Variants in ZFHX3 observed in about 807,000 individuals in gnomAD.
ZFHX3 encodes the protein zinc finger homeobox protein 3.
ZFHX3 carries 42 observed loss-of-function variants against 279.1 expected under a neutral mutation model. The ratio of observed to expected loss-of-function variants is 0.15; its 90% confidence interval spans 0.12 to 0.19. ZFHX3 has a LOEUF of 0.19. ZFHX3 is among the 10% of genes least tolerant of loss of function. The pLI, the probability that ZFHX3 is intolerant of heterozygous loss-of-function variation, is 1.00. For synonymous variants in ZFHX3, 2,293 were observed against 1,957.8 expected (o/e 1.17, Z -4.52); for missense variants, 4,981 against 4,754.0 (o/e 1.05, Z -1.40).
chr16:72,952,509 G>A (rs1961045464), intron 2 of ZFHX3, among the ~76,000 whole-genome samples: 1 of 152,138 alleles, frequency 6.6e-6, no homozygotes, highest in South Asian at 2.1e-4. Context: ...CTAGGACAGG[G>A]GTCCAGTCTT....
intron 3 of ZFHX3, among the ~76,000 whole-genome samples, chr16:73,345,039 A>G (rs1008695882): frequency 6.6e-6 from 1 of 152,076 alleles, no homozygotes; most frequent in South Asian, 2.1e-4. Flanking sequence ...CTGTTCATGG[A>G]ACTTCTCAGC....
intron 4 of ZFHX3, among the ~76,000 whole-genome samples, chr16:73,304,065 T>C (rs2015123004): frequency 6.6e-6 from 1 of 151,614 alleles, no homozygotes. Context: ...TGCATAGATG[T>C]CACTGATTCT....
chr16:72,823,450 T>G lies in ZFHX3; in HGVS notation c.3529+6329A>C, dbSNP rs755268091. Among the ~76,000 whole-genome samples the G allele has an allele frequency of 8.5e-5, 13 of 152,198 alleles. No homozygotes were observed. The East Asian group carries it at 2.5e-3, about 29-fold the overall frequency. The stretch of plus-strand genomic sequence containing the variant: ...GGCACCCATGTGAGTCTCCAAGGAC[T>G]CCTCTGTTGATGTCCTCATCACACT... On this transcript the variant is annotated intron_variant, in intron 5 of 9. Coordinates refer to ENST00000268489, the MANE Select transcript of ZFHX3 (RefSeq NM_006885.4).
At chr16:73,546,674 C>CTGCTGT (rs1567515658) in intron 2 of ZFHX3, among the ~76,000 whole-genome samples, 1 of 3,598 alleles carries the variant, frequency 2.8e-4, no homozygotes, top group Non-Finnish European at 4.3e-4. Flanking sequence ...GCTGCTGTTG[C>CTGCTGT]TGCTGCTGCT....
intron 4 of ZFHX3, among the ~76,000 whole-genome samples, chr16:72,856,676 G>A (rs779763759): frequency 2.0e-5 from 3 of 152,156 alleles, no homozygotes; most frequent in Non-Finnish European, 4.4e-5. Flanking sequence ...ACTCCTCTGT[G>A]GCTCCCAGCA....
intron 2 of ZFHX3, chr16:73,483,394 G>C: frequency 2.2e-6 from 1 of 455,408 alleles, no homozygotes; most frequent in South Asian, 1.5e-5. Flanking sequence ...CGGGAGCCAG[G>C]GTAGGGACCA....
At chr16:73,072,242 C>T (rs1965833800) in intron 8 of ZFHX3, among the ~76,000 whole-genome samples, 1 of 152,032 alleles carries the variant, frequency 6.6e-6, no homozygotes, top group African/African-American at 2.4e-5. Flanking sequence ...GTCAGGAGTT[C>T]AAGACCAGCC....
chr16:72,845,440 C>T (rs1409310453), intron 4 of ZFHX3, among the ~76,000 whole-genome samples: 1 of 152,172 alleles, frequency 6.6e-6, no homozygotes. Context: ...TGCACAGGGA[C>T]ATCCCGGCAC....
intron 2 of ZFHX3, among the ~76,000 whole-genome samples, chr16:73,618,778 G>C (rs1257037450): frequency 1.3e-5 from 2 of 152,194 alleles, no homozygotes; most frequent in Non-Finnish European, 2.9e-5. Flanking sequence ...GAGAGGCCAG[G>C]TGGACATGTT....
chr16:73,713,184 A>G (rs986841404), intron 1 of ZFHX3, among the ~76,000 whole-genome samples: 2 of 152,232 alleles, frequency 1.3e-5, no homozygotes, highest in African/African-American at 4.8e-5. Flanking sequence ...AAATGCCTTC[A>G]AAGAACTGAT....
chr16:72,850,077 T>G (rs527706251), intron 4 of ZFHX3, among the ~76,000 whole-genome samples: 2 of 152,042 alleles, frequency 1.3e-5, no homozygotes, highest in African/African-American at 4.8e-5. Context: ...TAGGCACTGA[T>G]AGAAATGATT....
At chr16:72,789,706 C>T (rs554334271) in intron 9 of ZFHX3, 1 of 152,374 alleles carries the variant, frequency 6.6e-6, no homozygotes, top group East Asian at 1.9e-4. Context: ...AAATTGCTTC[C>T]ATGCCTTGGC....
intron 4 of ZFHX3, among the ~76,000 whole-genome samples, chr16:72,881,648 G>A (rs1212419790): frequency 6.6e-6 from 1 of 152,184 alleles, no homozygotes; most frequent in Non-Finnish European, 1.5e-5. Context: ...ATCCATTCAG[G>A]CAGTGGAGAA....
intron 2 of ZFHX3, among the ~76,000 whole-genome samples, chr16:73,591,628 G>A (rs988102383): frequency 7.3e-6 from 1 of 137,064 alleles, no homozygotes; most frequent in Admixed American, 8.5e-5. Context: ...GGCAGGCAGA[G>A]GTTGCAGTGA....
intron 2 of ZFHX3, among the ~76,000 whole-genome samples, chr16:73,457,721 G>C (rs1049487135): frequency 6.6e-6 from 1 of 152,216 alleles, no homozygotes; most frequent in Non-Finnish European, 1.5e-5. Flanking sequence ...GTTGCAGCGA[G>C]CCGAGATTGC....
chr16:73,637,797 T>G (rs557106141), intron 2 of ZFHX3, among the ~76,000 whole-genome samples: 1 of 151,960 alleles, frequency 6.6e-6, no homozygotes, highest in East Asian at 1.9e-4. Flanking sequence ...GACAAAAATC[T>G]GCAATATATA....
chr16:73,525,358 C>T (rs117284920), intron 2 of ZFHX3, among the ~76,000 whole-genome samples: 79 of 152,188 alleles, frequency 5.2e-4, no homozygotes, highest in Middle Eastern at 6.8e-3. Flanking sequence ...GAAAGGGACG[C>T]GATTTGTTTG....
At chr16:72,915,778 G>A (rs1389642467) in intron 3 of ZFHX3, among the ~76,000 whole-genome samples, 1 of 151,274 alleles carries the variant, frequency 6.6e-6, no homozygotes, top group Non-Finnish European at 1.5e-5. Flanking sequence ...AAAAAAAAAG[G>A]CTGAATTTCA....
chr16:73,849,035 C>G (rs1961525456), intron 1 of ZFHX3, among the ~76,000 whole-genome samples: 2 of 152,212 alleles, frequency 1.3e-5, no homozygotes, highest in Admixed American at 1.3e-4. Flanking sequence ...TTCTTGTTAA[C>G]AACTGCTGGA....
Sources: allele counts gnomAD v4.1 joint callset (sites outside exome capture counted in the v4.1 genomes callset), GRCh38; gene constraint gnomAD v4.1.1; transcripts MANE v1.5; gene names NCBI Gene and HGNC (gene_info 2026-07-23, HGNC 2026-07-21).